Variants in STK32B observed in about 807,000 individuals in gnomAD.
The protein encoded by STK32B is serine/threonine-protein kinase 32B.
In STK32B, 43 loss-of-function variants were observed where a neutral mutation model predicts 52.6. The ratio of observed to expected loss-of-function variants is 0.82; its 90% CI spans 0.64 to 1.05. The LOEUF (loss-of-function observed/expected upper bound fraction) is 1.05, where lower values mean the gene tolerates loss of function less well. Ranked by LOEUF, STK32B falls within the 50% of genes least tolerant of loss-of-function variation. The pLI is 0.00. For synonymous variants in STK32B, 238 were observed against 204.3 expected, an observed-to-expected ratio of 1.17 and a Z score of -1.41; for missense variants, 621 against 534.6, an observed-to-expected ratio of 1.16 and a Z score of -1.59.
chr4:5,372,000 C>G (rs1577408345), intron 4 of STK32B, among the ~76,000 whole-genome samples: 1 of 152,238 alleles, frequency 6.6e-6, no homozygotes, highest in Admixed American at 6.5e-5. Flanking sequence ...CACTTCTCTC[C>G]AGCCCTGGAA....
intron 3 of STK32B, among the ~76,000 whole-genome samples, chr4:5,329,554 C>A (rs1293074260): frequency 1.3e-5 from 2 of 152,184 alleles, no homozygotes; most frequent in Non-Finnish European, 2.9e-5. Flanking sequence ...CTCGCCTGCA[C>A]CCTGGAAAGA....
At position 5,071,232 on chromosome 4, in the gene STK32B, G is replaced by A. The variant is rs534775628; in HGVS notation, c.52+19317G>A. Among the ~76,000 whole-genome samples, 51 of 152,212 alleles carry A rather than the reference G, an allele frequency of 3.4e-4. No homozygotes were observed. In the East Asian group the frequency reaches 7.4e-3, roughly 22 times the overall value. The stretch of plus-strand genomic sequence containing the variant: ...GGTTTGGCAGGGGAAGAAATTGGTC[G>A]CCAGGAAAACATGTTACTCCACAAG... On this transcript the variant is annotated intron_variant, in intron 1 of 11. Coordinates refer to ENST00000282908, the MANE Select transcript of STK32B (RefSeq NM_018401.3).
rs144379052 is a variant in STK32B, at chr4:5,141,915, G to A, written c.108+1955G>A. Among the ~76,000 whole-genome samples, 11 of 152,114 alleles carry A rather than the reference G, an allele frequency of 7.2e-5. No homozygotes were observed. In the East Asian group the frequency reaches 2.1e-3, roughly 30 times the overall value. ...CTGTGTATCACATCTTCACACAACT[G>A]CTCCTCACTTCTGTGACTTTGTTAG... is the stretch of plus-strand genomic sequence containing the variant. On this transcript the variant is annotated intron_variant, in intron 2 of 11. Transcript: ENST00000282908.
chr4:5,468,407 G>T (rs1165104330), intron 11 of STK32B, among the ~76,000 whole-genome samples: 1 of 152,162 alleles, frequency 6.6e-6, no homozygotes, highest in African/African-American at 2.4e-5. Flanking sequence ...AAGTTGCCTG[G>T]GGCCAAGTCC....
chr4:5,216,707 C>CTG (rs986097086), intron 3 of STK32B, among the ~76,000 whole-genome samples: 3 of 152,110 alleles, frequency 2.0e-5, no homozygotes, highest in African/African-American at 7.2e-5. Flanking sequence ...GCGGGGAAGG[C>CTG]TGAAGGAGCT....
chr4:5,314,875 A>C (rs897120214), intron 3 of STK32B, among the ~76,000 whole-genome samples: 1 of 152,208 alleles, frequency 6.6e-6, no homozygotes, highest in African/African-American at 2.4e-5. Flanking sequence ...TATTTTAAAA[A>C]TATAACATTG....
intron 3 of STK32B, among the ~76,000 whole-genome samples, chr4:5,197,965 A>T (rs1721822219): frequency 6.6e-6 from 1 of 152,160 alleles, no homozygotes; most frequent in Non-Finnish European, 1.5e-5. Flanking sequence ...GCAAATAATA[A>T]TGATAATAAT....
chr4:5,059,774 G>T (rs1268577221), intron 1 of STK32B, among the ~76,000 whole-genome samples: 2 of 152,112 alleles, frequency 1.3e-5, no homozygotes, highest in Non-Finnish European at 2.9e-5. Flanking sequence ...AAAAGTCAAG[G>T]CTCAGATATC....
intron 4 of STK32B, among the ~76,000 whole-genome samples, chr4:5,331,929 G>C (rs1732278986): frequency 6.6e-6 from 1 of 152,144 alleles, no homozygotes; most frequent in Non-Finnish European, 1.5e-5. Context: ...GGTGAGCAAA[G>C]TGACTTTGCC....
chr4:5,299,006 G>C (rs548611496), intron 3 of STK32B, among the ~76,000 whole-genome samples: 1 of 151,956 alleles, frequency 6.6e-6, no homozygotes, highest in African/African-American at 2.4e-5. Flanking sequence ...TAGCACTGTC[G>C]CTCACGGCAC....
intron 3 of STK32B, among the ~76,000 whole-genome samples, chr4:5,284,596 A>G (rs768886846): frequency 6.6e-6 from 1 of 152,220 alleles, no homozygotes; most frequent in South Asian, 2.1e-4. Context: ...GTTGATAGAC[A>G]TGTAAACAAA....
chr4:5,451,012 ATCTGAGCCCTGGCTTCC>A (rs2109130807), intron 7 of STK32B, among the ~76,000 whole-genome samples: 1 of 152,296 alleles, frequency 6.6e-6, no homozygotes. Context: ...ACTTAACTTC[ATCTGAGCCCTGGCTTCC>A]TCATTCACAA....
chr4:5,196,682 C>T (rs1721702575), intron 3 of STK32B, among the ~76,000 whole-genome samples: 1 of 151,684 alleles, frequency 6.6e-6, no homozygotes. Context: ...GATCGTGCCA[C>T]TGCTCTCCAG....
rs373888569 is a variant in STK32B at position 5,139,980 on chromosome 4, G to C, written c.108+20G>C. 1 of 1,613,994 alleles carries C rather than the reference G, an allele frequency of 6.2e-7. No homozygotes were observed. On this transcript the variant is annotated intron_variant, in intron 2 of 11. Coordinates refer to ENST00000282908, the MANE Select transcript of STK32B (RefSeq NM_018401.3). ...GGAAAGGTAAGAATATAAATGTCTG[G>C]ACCACTGGGCTTAAGTATGTGTGTA... is the stretch of plus-strand genomic sequence containing the variant.
intron 1 of STK32B, 129 bp downstream of exon 1, chr4:5,052,044 G>T: frequency 1.4e-6 from 2 of 1,384,916 alleles, no homozygotes; most frequent in South Asian, 2.5e-5. Flanking sequence ...TTCGCCCAGC[G>T]AATGCAGTGT....
At chr4:5,347,914 T>TA (rs1733574038) in intron 4 of STK32B, among the ~76,000 whole-genome samples, 1 of 152,102 alleles carries the variant, frequency 6.6e-6, no homozygotes, top group African/African-American at 2.4e-5. Flanking sequence ...CCTCTTTTCT[T>TA]AAAAAAATAA....
Position 5,160,024 on chromosome 4 carries a change from TAC to T in STK32B, c.109-8273_109-8272del, listed in dbSNP as rs139689934. Among the ~76,000 whole-genome samples the T allele has an allele frequency of 8.4e-4, 127 of 152,092 alleles. 1 individual carries two copies. The East Asian group carries it at 0.021, about 25-fold the overall frequency. The stretch of plus-strand genomic sequence containing the variant: ...CAGGTTGGAGGAAGTCCATCCATAT[TAC>T]AGAGGGCAATCCTGTCTTCAAAGTC... On this transcript the variant is annotated intron_variant, in intron 2 of 11. Transcript: ENST00000282908.
chr4:5,398,310 C>A lies in STK32B; in HGVS notation c.472+66C>A, dbSNP rs896947624. 7 of 1,563,030 alleles carry A rather than the reference C, an allele frequency of 4.5e-6. No individual in the cohort carries two copies. In the African/African-American group the frequency reaches 9.5e-5, roughly 21 times the overall value. On this transcript the variant is annotated intron_variant, in intron 5 of 11. Coordinates refer to ENST00000282908, the MANE Select transcript of STK32B (RefSeq NM_018401.3). The surrounding 1 kb of genome is among the most constrained non-coding windows in gnomAD (Gnocchi z 4.9). ...AAGTTTGAGGCACTGGGAAATAGTG[C>A]GGGGGTGGGGGTTGGGTCTTGCTGA... is the stretch of plus-strand genomic sequence containing the variant.
intron 3 of STK32B, among the ~76,000 whole-genome samples, chr4:5,306,274 G>T (rs113630833): frequency 0.031 from 4,787 of 152,132 alleles, 237 homozygotes; most frequent in African/African-American, 0.11. Flanking sequence ...TTTCTGTCTT[G>T]ATGACCTTTC....
Sources: gnomAD v4.1 joint callset for allele counts (sites outside exome capture counted in the v4.1 genomes callset) on GRCh38, gnomAD v4.1.1 for gene constraint, Gnocchi (gnomAD v3.1) non-coding constraint, MANE v1.5 for transcripts, NCBI Gene and HGNC (gene_info 2026-07-23, HGNC 2026-07-21) for gene names.